The following TAS2R1 variants were observed in gnomAD, a reference collection of about 807,000 sequenced individuals.
TAS2R1 encodes the protein taste 2 receptor member 1.
For missense variants in TAS2R1, 370 were observed against 353.4 expected, an observed-to-expected ratio of 1.05 and a Z score of -0.38; for synonymous variants, 141 against 134.2, an observed-to-expected ratio of 1.05 and a Z score of -0.35.
At chr5:9,693,557 A>AG (rs1741296760) in intron 1 of TAS2R1, among the ~76,000 whole-genome samples, 2 of 148,804 alleles carry the variant, frequency 1.3e-5, no homozygotes, top group South Asian at 2.1e-4. Flanking sequence ...AAGAGAGAGA[A>AG]AAAGAAAGAA....
Position 9,642,399 on chromosome 5 carries a change from C to T in TAS2R1, c.-80-12407G>A, listed in dbSNP as rs556036332. On this transcript the variant is annotated intron_variant, in intron 2 of 2. Coordinates refer to the TAS2R1 transcript ENST00000506620. Reference sequence around the variant, plus strand: ...AAGGAAGAAATAGACTCTGAGCAAACCAACCCAGACATCCTTTCTGAATCT... The same window carrying T: ...AAGGAAGAAATAGACTCTGAGCAAATCAACCCAGACATCCTTTCTGAATCT... Among the ~76,000 whole-genome samples, 8 of 152,272 alleles carry T rather than the reference C, an allele frequency of 5.3e-5. No individual in the cohort carries two copies. The South Asian group carries it at 1.7e-3, about 32-fold the overall frequency.
the TAS2R1 span, among the ~76,000 whole-genome samples, chr5:9,780,528 C>A: frequency 6.6e-6 from 1 of 152,200 alleles, no homozygotes; most frequent in Non-Finnish European, 1.5e-5. Context: ...ATCTCCACGT[C>A]TTTCTGCATC....
the TAS2R1 span, among the ~76,000 whole-genome samples, chr5:9,718,413 A>G: frequency 1.3e-5 from 2 of 152,204 alleles, no homozygotes; most frequent in Non-Finnish European, 2.9e-5. Flanking sequence ...ATGGGCAAAC[A>G]CATGAAAAAC....
chr5:9,654,821 C>T (rs547285813), intron 2 of TAS2R1, among the ~76,000 whole-genome samples: 87 of 152,228 alleles, frequency 5.7e-4, no homozygotes, highest in Non-Finnish European at 1.2e-3. Context: ...GAAAATAATA[C>T]AGCTATTCTG....
At chr5:9,700,101 C>T (rs1291209409) in intron 1 of TAS2R1, among the ~76,000 whole-genome samples, 2 of 152,186 alleles carry the variant, frequency 1.3e-5, no homozygotes, top group Admixed American at 6.5e-5. Flanking sequence ...CTATACCTTA[C>T]ACAAACAAAG....
At chr5:9,795,420 C>T in the TAS2R1 span, among the ~76,000 whole-genome samples, 2 of 152,210 alleles carry the variant, frequency 1.3e-5, no homozygotes, top group South Asian at 2.1e-4. Context: ...TAGCACATAA[C>T]AGGTGTGCAA....
chr5:9,645,000 T>A (rs2126483830), intron 2 of TAS2R1, among the ~76,000 whole-genome samples: 1 of 152,334 alleles, frequency 6.6e-6, no homozygotes, highest in South Asian at 2.1e-4. Context: ...ATAAATTTGA[T>A]TATCTATGTT....
chr5:9,643,412 G>T (rs1258976181), intron 2 of TAS2R1, among the ~76,000 whole-genome samples: 1 of 152,100 alleles, frequency 6.6e-6, no homozygotes, highest in African/African-American at 2.4e-5. Context: ...TAAAAATAGG[G>T]TACAAAAGTT....
At chr5:9,853,022 C>T in the TAS2R1 span, among the ~76,000 whole-genome samples, 3 of 152,078 alleles carry the variant, frequency 2.0e-5, no homozygotes, top group Non-Finnish European at 2.9e-5. Context: ...ACTTGGTGCA[C>T]GGGAGAGCAG....
the TAS2R1 span, among the ~76,000 whole-genome samples, chr5:9,877,045 T>C: frequency 5.9e-5 from 9 of 152,222 alleles, no homozygotes; most frequent in African/African-American, 1.9e-4. Context: ...CTCCCCACTT[T>C]CTTCATGGAT....
chr5:9,737,601 G>A, the TAS2R1 span, among the ~76,000 whole-genome samples: 1 of 152,122 alleles, frequency 6.6e-6, no homozygotes, highest in Admixed American at 6.5e-5. Flanking sequence ...AGCCTGCCAG[G>A]TCAGGAACAA....
rs373934365 is a variant in TAS2R1, at chr5:9,711,393, T to C, written c.-242+779A>G. Among the ~76,000 whole-genome samples, 19 of 152,336 alleles carry C rather than the reference T, an allele frequency of 1.2e-4. No individual in the cohort carries two copies. In the South Asian group the frequency reaches 3.7e-3, roughly 30 times the overall value. ...CAGATGAACTTCGAGGACATTTTAC[T>C]AAACGAAATAAGTCATCACAGAAGG... On this transcript the variant is annotated intron_variant, in intron 1 of 2. Transcript: ENST00000506620.
At chr5:9,831,797 G>A in the TAS2R1 span, among the ~76,000 whole-genome samples, 653 of 151,942 alleles carry the variant, frequency 4.3e-3, 3 homozygotes, top group African/African-American at 0.015. Flanking sequence ...TTACCTCCCA[G>A]CTCCTTAATT....
chr5:9,694,993 T>G (rs1289493558), intron 1 of TAS2R1, among the ~76,000 whole-genome samples: 1 of 152,254 alleles, frequency 6.6e-6, no homozygotes, highest in Admixed American at 6.5e-5. Context: ...TTCATGGTGC[T>G]GATTCTAGCA....
At chr5:9,744,068 A>C in the TAS2R1 span, among the ~76,000 whole-genome samples, 1 of 152,168 alleles carries the variant, frequency 6.6e-6, no homozygotes, top group South Asian at 2.1e-4. Flanking sequence ...ATCACTCTGC[A>C]CCCAAGTTGC....
intron 1 of TAS2R1, among the ~76,000 whole-genome samples, chr5:9,707,565 C>T (rs567855975): frequency 3.9e-5 from 6 of 152,142 alleles, no homozygotes; most frequent in Non-Finnish European, 8.8e-5. Flanking sequence ...TGCCTGTAGT[C>T]CCAGCTACTC....
chr5:9,880,562 T>C, the TAS2R1 span, among the ~76,000 whole-genome samples: 1 of 152,222 alleles, frequency 6.6e-6, no homozygotes, highest in Non-Finnish European at 1.5e-5. Context: ...TTCACATTTC[T>C]GAATGCTCAG....
rs539842618 is a variant in TAS2R1, at chr5:9,638,350, CTG to C, written c.-80-8360_-80-8359del. Among the ~76,000 whole-genome samples the C allele has an allele frequency of 2.6e-3, 403 of 152,308 alleles. 2 individuals carry two copies. Among genetic ancestry groups the C allele is most frequent in the African/African-American group, 9.1e-3 (379 of 41,552 alleles). On this transcript the variant is annotated intron_variant, in intron 2 of 2. Transcript: ENST00000506620. ...AGGTGGCAGGGAAGTGAAGTAGACTCTGTGAGAGCCCTTGATTGTAGATAGGT... is the reference window on the plus strand; with the variant it reads ...AGGTGGCAGGGAAGTGAAGTAGACTCTGAGAGCCCTTGATTGTAGATAGGT...
the TAS2R1 span, among the ~76,000 whole-genome samples, chr5:9,828,963 T>C: frequency 3.9e-5 from 6 of 152,224 alleles, no homozygotes; most frequent in East Asian, 1.9e-4. Flanking sequence ...ACTGGGTATA[T>C]GGACTCTGTA....
Sources: gnomAD v4.1 joint callset for allele counts (sites outside exome capture counted in the v4.1 genomes callset) on GRCh38, gnomAD v4.1.1 for gene constraint, MANE v1.5 for transcripts, NCBI Gene and HGNC (gene_info 2026-07-23, HGNC 2026-07-21) for gene names.